B9D1: variants seen among roughly 807,000 people sequenced by gnomAD.
B9D1 encodes B9 domain containing 1.
In B9D1, 20 loss-of-function variants were observed where a neutral mutation model predicts 26.1. That is an observed-to-expected ratio of 0.77 (90% CI 0.54 to 1.12). The LOEUF is 1.12. B9D1 is among the 50% of genes most tolerant of loss of function. The pLI is 0.00. For synonymous variants in B9D1, 105 were observed against 103.1 expected, an observed-to-expected ratio of 1.02 and a Z score of -0.11; for missense variants, 260 against 273.7, an observed-to-expected ratio of 0.95 and a Z score of 0.35.
downstream of B9D1, among the ~76,000 whole-genome samples, chr17:19,342,787 T>C (rs565451147): frequency 6.6e-6 from 1 of 152,090 alleles, no homozygotes; most frequent in South Asian, 2.1e-4. Flanking sequence ...AGGCTGAGGG[T>C]CTGCCATCCC....
chr17:19,341,236 C>T, downstream of B9D1: 1 of 1,231,766 alleles, frequency 8.1e-7, no homozygotes, highest in Non-Finnish European at 1.0e-6. Context: ...TTCAGGGAAG[C>T]TTCAGGTCCC....
intron 1 of B9D1, 139 bp downstream of exon 1, chr17:19,362,368 G>C: frequency 1.6e-6 from 1 of 637,772 alleles, no homozygotes; most frequent in South Asian, 2.1e-5. Flanking sequence ...CTCCAATGCT[G>C]GCTCCCCTCC....
chr17:19,377,774 G>A (rs1370860132), intron 1 of B9D1: 14 of 953,110 alleles, frequency 1.5e-5, no homozygotes, highest in Non-Finnish European at 1.7e-5. Flanking sequence ...CAGAGGAGCA[G>A]AGGTTGGGCG....
At chr17:19,342,968 A>G (rs1908147277), downstream of B9D1, 7 of 648,896 alleles carry the variant, frequency 1.1e-5, no homozygotes, top group South Asian at 1.9e-4. Context: ...AGAAAAGGCC[A>G]CACAGCTTTG....
At chr17:19,376,608 C>T (rs1912119995) in intron 1 of B9D1, among the ~76,000 whole-genome samples, 1 of 110,614 alleles carries the variant, frequency 9.0e-6, no homozygotes, top group African/African-American at 3.4e-5. Flanking sequence ...GGTGAAACCC[C>T]ATCTCTACTA....
At chr17:19,344,839 C>T (rs1281742037) in intron 5 of B9D1, among the ~76,000 whole-genome samples, 2 of 152,228 alleles carry the variant, frequency 1.3e-5, no homozygotes, top group African/African-American at 4.8e-5. Context: ...GAGCACTGCC[C>T]ACCAGCCCCC....
At chr17:19,364,863 A>G (rs1458649705), upstream of B9D1, among the ~76,000 whole-genome samples, 1 of 152,200 alleles carries the variant, frequency 6.6e-6, no homozygotes, top group East Asian at 1.9e-4. The surrounding 1 kb of genome is among the most constrained non-coding windows in gnomAD (Gnocchi z 4.3). Context: ...GCTGTCAGCC[A>G]TTGGGCAGGG....
chr17:19,338,121 TAAC>T (rs970170805), downstream of B9D1, among the ~76,000 whole-genome samples: 14 of 152,118 alleles, frequency 9.2e-5, no homozygotes, highest in African/African-American at 2.9e-4. Flanking sequence ...CCCCCAACAA[TAAC>T]AACAAAGCAG....
At chr17:19,335,253 A>T, downstream of B9D1, 1 of 685,532 alleles carries the variant, frequency 1.5e-6, no homozygotes, top group Admixed American at 3.3e-5. Flanking sequence ...TTGGTGAATT[A>T]CTAAACTGAT....
downstream of B9D1, chr17:19,335,394 T>C: frequency 6.5e-7 from 1 of 1,547,902 alleles, no homozygotes; most frequent in Non-Finnish European, 8.7e-7. Context: ...AATTCCTTTT[T>C]TTTATTAAAG....
chr17:19,367,383 C>A (rs1911655962), upstream of B9D1, among the ~76,000 whole-genome samples: 3 of 148,144 alleles, frequency 2.0e-5, no homozygotes, highest in African/African-American at 7.5e-5. Context: ...GCCATCTCGG[C>A]TCACTGCAAC....
chr17:19,343,308 C>T lies in B9D1; in HGVS notation c.*11G>A, dbSNP rs1908204318. On this transcript the variant is annotated 3_prime_UTR_variant, in exon 7 of 7. Coordinates refer to ENST00000261499, the MANE Select transcript of B9D1 (RefSeq NM_015681.6). ...CCTTCATTATCAGAGACTGTGCAGCCTGTGGAGCCTTCACTGGGGGAAGCT... is the reference window on the plus strand; with the variant it reads ...CCTTCATTATCAGAGACTGTGCAGCTTGTGGAGCCTTCACTGGGGGAAGCT... The T allele has an allele frequency of 6.2e-7, 1 of 1,614,024 alleles. No individual in the cohort carries two copies. Among genetic ancestry groups the T allele is most frequent in the Non-Finnish European group, 8.5e-7 (1 of 1,180,032 alleles).
rs1270313727 is a variant in B9D1 at position 19,359,082 on chromosome 17, C to G, written c.133-1131G>C. Reference sequence around the variant, plus strand: ...TGCAGTCCAGCCCCTCCCACCACCCCACTGCCACTGCCCTCCTCTCCCATC... The same window carrying G: ...TGCAGTCCAGCCCCTCCCACCACCCGACTGCCACTGCCCTCCTCTCCCATC... On this transcript the variant is annotated intron_variant, in intron 2 of 6. Transcript: ENST00000261499. This position sits in a 1 kb window ranked among gnomAD's most constrained non-coding sequence, Gnocchi z 5.0. 6.6e-6 allele frequency among the ~76,000 whole-genome samples: 1 copy of G among 152,226 alleles called. No individual in the cohort carries two copies. Among genetic ancestry groups the G allele is most frequent in the African/African-American group, 2.4e-5 (1 of 41,452 alleles).
downstream of B9D1, chr17:19,341,450 C>T (rs1452100262): frequency 9.0e-6 from 5 of 556,496 alleles, no homozygotes; most frequent in African/African-American, 1.9e-5. Flanking sequence ...GGAAAACTCA[C>T]GATGGAGGGA....
downstream of B9D1, chr17:19,341,276 G>A: frequency 8.1e-7 from 1 of 1,231,954 alleles, no homozygotes; most frequent in Non-Finnish European, 1.0e-6. Context: ...AGTGCCCTGG[G>A]TGAGGTGAGG....
At chr17:19,367,484 G>T (rs1485589735), upstream of B9D1, among the ~76,000 whole-genome samples, 1 of 151,904 alleles carries the variant, frequency 6.6e-6, no homozygotes, top group Admixed American at 6.6e-5. Flanking sequence ...GCTAATTTTT[G>T]TATTTTTGGT....
At chr17:19,367,768 G>C (rs1015881756) in intron 1 of B9D1, among the ~76,000 whole-genome samples, 2 of 152,318 alleles carry the variant, frequency 1.3e-5, no homozygotes, top group African/African-American at 2.4e-5. Flanking sequence ...CTTCCTCTGG[G>C]ATGTCTTTTT....
chr17:19,355,083 A>G (rs1910150083), intron 3 of B9D1, among the ~76,000 whole-genome samples: 1 of 151,846 alleles, frequency 6.6e-6, no homozygotes, highest in African/African-American at 2.4e-5. Context: ...TCTGTCTCCT[A>G]CCTTCTCATC....
chr17:19,358,354 G>A (rs756757611), intron 2 of B9D1, among the ~76,000 whole-genome samples: 2 of 152,086 alleles, frequency 1.3e-5, no homozygotes, highest in East Asian at 1.9e-4. Flanking sequence ...TCAACTCTGC[G>A]GCTTCTTCCA....
Sources: gnomAD v4.1 joint callset for allele counts (sites outside exome capture counted in the v4.1 genomes callset) on GRCh38, gnomAD v4.1.1 for gene constraint, Gnocchi (gnomAD v3.1) non-coding constraint, MANE v1.5 for transcripts, NCBI Gene and HGNC (gene_info 2026-07-23, HGNC 2026-07-21) for gene names.